The following LPGAT1 variants were observed in gnomAD, a reference collection of about 807,000 sequenced individuals.
LPGAT1 encodes the protein acyl-CoA:lysophosphatidylglycerol acyltransferase 1.
A neutral mutation model predicts 47.5 loss-of-function variants in LPGAT1; 11 were observed. The observed-to-expected ratio is 0.23, with a 90% confidence interval of 0.15 to 0.38. LPGAT1 has a LOEUF of 0.38. LPGAT1 is among the 10% of genes least tolerant of loss of function. The pLI is 1.00. For synonymous variants in LPGAT1, 138 were observed against 144.2 expected (o/e 0.96, Z 0.31); for missense variants, 293 against 439.0 (o/e 0.67, Z 2.97).
intron 2 of LPGAT1, among the ~76,000 whole-genome samples, chr1:211,828,496 C>T (rs4320838): frequency 0.33 from 50,847 of 152,010 alleles, 10,005 homozygotes; most frequent in East Asian, 0.71. Flanking sequence ...ACAAAGTTAA[C>T]TTAATTTTTT....
At position 211,787,643 on chromosome 1, in the gene LPGAT1, A is replaced by G; in HGVS notation, c.442T>C (p.Phe148Leu). Residue 148 changes from phenylalanine (F) to leucine (L), a missense_variant, in exon 4 of 8, where the codon TTT becomes CTT. Phe to Leu is a conservative substitution (Grantham distance 22). Transcript: ENST00000366997. ...GIVSLVHGDF[F>L]IRQGRSYRDQ... ...TGCTCATTACTTACCTGTCTTATAA[A>G]GAAGTCTCCATGAACTAGAGAAACA... is the stretch of plus-strand genomic sequence containing the variant. The G allele has an allele frequency of 6.3e-7, 1 of 1,584,372 alleles. No individual in the cohort carries two copies. The highest frequency in any genetic ancestry group is 1.3e-5 in the African/African-American group (1 of 74,196).
intron 2 of LPGAT1, among the ~76,000 whole-genome samples, chr1:211,795,134 C>G (rs180835926): frequency 6.6e-6 from 1 of 152,128 alleles, no homozygotes; most frequent in African/African-American, 2.4e-5. Flanking sequence ...TGTGAATATA[C>G]TTAACAAGAC....
chr1:211,816,689 T>A (rs1160365176), intron 2 of LPGAT1, among the ~76,000 whole-genome samples: 1 of 152,190 alleles, frequency 6.6e-6, no homozygotes, highest in Non-Finnish European at 1.5e-5. Flanking sequence ...CTAATAATAA[T>A]GAAATTATCA....
chr1:211,822,995 T>C (rs982365788), intron 2 of LPGAT1, among the ~76,000 whole-genome samples: 2 of 152,194 alleles, frequency 1.3e-5, no homozygotes, highest in Admixed American at 6.5e-5. Context: ...AAGAAATCTA[T>C]AGCTATATTA....
intron 6 of LPGAT1, among the ~76,000 whole-genome samples, chr1:211,778,362 A>AAC (rs1658500618): frequency 6.8e-6 from 1 of 147,444 alleles, no homozygotes; most frequent in African/African-American, 2.5e-5. Context: ...AAAAAAAAAA[A>AAC]AAAAAAAAAA....
At chr1:211,815,370 A>G (rs757264028) in intron 2 of LPGAT1, among the ~76,000 whole-genome samples, 11 of 152,046 alleles carry the variant, frequency 7.2e-5, no homozygotes, top group Non-Finnish European at 1.2e-4. Flanking sequence ...CTCCATGTCT[A>G]ATCTCTCAGC....
chr1:211,770,721 C>T (rs1288333324), intron 6 of LPGAT1, among the ~76,000 whole-genome samples: 1 of 152,184 alleles, frequency 6.6e-6, no homozygotes, highest in African/African-American at 2.4e-5. Context: ...TAGGCCTTCA[C>T]ATTCACTCAT....
At chr1:211,784,705 A>G (rs1204595741) in intron 4 of LPGAT1, among the ~76,000 whole-genome samples, 1 of 152,032 alleles carries the variant, frequency 6.6e-6, no homozygotes, top group African/African-American at 2.4e-5. Flanking sequence ...GTTGAGAGGG[A>G]AAGAGAGAAA....
intron 2 of LPGAT1, among the ~76,000 whole-genome samples, chr1:211,799,776 A>G (rs1211901249): frequency 6.6e-6 from 1 of 152,236 alleles, no homozygotes; most frequent in East Asian, 1.9e-4. Flanking sequence ...AAGAAAAAAA[A>G]TCAACATTGT....
Position 211,750,085 on chromosome 1 carries a change from C to T in LPGAT1, c.962-35G>A, listed in dbSNP as rs559727650. ...AAGATAGAAATATTAGTTTGTTTTA[C>T]TGTAATGGTAGGTCTCCTGGAATAA... On this transcript the variant is annotated intron_variant, in intron 7 of 7. Coordinates refer to ENST00000366997, the MANE Select transcript of LPGAT1 (RefSeq NM_014873.3). The T allele has an allele frequency of 2.6e-5, 42 of 1,589,108 alleles. No homozygotes were observed. In the South Asian group the frequency reaches 4.0e-4, roughly 15 times the overall value.
In LPGAT1 at chr1:211,793,017, T is replaced by C; in HGVS notation, c.357+55A>G. 5 of 1,254,772 alleles carry C rather than the reference T, an allele frequency of 4.0e-6. No homozygotes were observed. The South Asian group carries it at 6.8e-5, about 17-fold the overall frequency. 77.7% of individuals were successfully genotyped at this position (1,254,772 alleles called of 1,614,324 possible). ...GAGCCACCATGCCCGGCCAAATGGA[T>C]TCCTTTTTAACCTTCCTTTCTGGAT... On this transcript the variant is annotated intron_variant, in intron 3 of 7. Transcript: ENST00000366997.
intron 2 of LPGAT1, among the ~76,000 whole-genome samples, chr1:211,808,311 T>C (rs1007106372): frequency 2.7e-5 from 4 of 148,666 alleles, no homozygotes; most frequent in East Asian, 2.0e-4. Flanking sequence ...GATCACGCCA[T>C]TGCACTCCAG....
At chr1:211,799,440 C>T (rs1288085399) in intron 2 of LPGAT1, among the ~76,000 whole-genome samples, 1 of 152,088 alleles carries the variant, frequency 6.6e-6, no homozygotes, top group Non-Finnish European at 1.5e-5. Flanking sequence ...AAATGAGGCA[C>T]AAAAGGTTAA....
At chr1:211,799,657 G>A (rs946733175) in intron 2 of LPGAT1, among the ~76,000 whole-genome samples, 7 of 152,126 alleles carry the variant, frequency 4.6e-5, no homozygotes, top group African/African-American at 1.7e-4. Flanking sequence ...AACAAATAAG[G>A]ATGGTGGATG....
intron 2 of LPGAT1, among the ~76,000 whole-genome samples, chr1:211,805,738 C>T (rs542933841): frequency 1.3e-5 from 2 of 152,252 alleles, no homozygotes; most frequent in Non-Finnish European, 2.9e-5. Context: ...ATAATACAAA[C>T]TGTATGCAAT....
rs1656942799 is a variant in LPGAT1, at chr1:211,746,398, T to C, written c.*3501A>G. 1 of 152,278 alleles carries C rather than the reference T, an allele frequency of 6.6e-6. No homozygotes were observed. The highest frequency in any genetic ancestry group is 1.5e-5 in the Non-Finnish European group (1 of 68,046). 9.4% of individuals were successfully genotyped at this position (152,278 alleles called of 1,614,324 possible). A position where few individuals can be genotyped will look rare whatever the true frequency, so the allele number is the denominator to read the frequency against. On this transcript the variant is annotated 3_prime_UTR_variant, in exon 8 of 8. Transcript: ENST00000366997. ...TTCAGGCTTCTGTATTTCCTCTTCCTGATAGCTGTCTTTCCGCATCATTTC... is the reference window on the plus strand; with the variant it reads ...TTCAGGCTTCTGTATTTCCTCTTCCCGATAGCTGTCTTTCCGCATCATTTC...
At chr1:211,782,620 A>C (rs2102537316) in intron 5 of LPGAT1, among the ~76,000 whole-genome samples, 1 of 152,242 alleles carries the variant, frequency 6.6e-6, no homozygotes, top group South Asian at 2.1e-4. Context: ...CTACAACCCC[A>C]GCTACTCAGG....
intron 3 of LPGAT1, among the ~76,000 whole-genome samples, chr1:211,791,787 CA>C (rs1246430082): frequency 3.8e-5 from 5 of 130,764 alleles, no homozygotes; most frequent in Non-Finnish European, 6.9e-5. Flanking sequence ...AAAAAAAAAA[CA>C]AAAAAAAACA....
chr1:211,825,001 C>A (rs12059988), intron 2 of LPGAT1, among the ~76,000 whole-genome samples: 46,165 of 151,694 alleles, frequency 0.3, 8,138 homozygotes, highest in Non-Finnish European at 0.41. Context: ...AAGCCCCCCC[C>A]AAATAATGCC....
Sources: allele counts gnomAD v4.1 joint callset (sites outside exome capture counted in the v4.1 genomes callset), GRCh38; gene constraint gnomAD v4.1.1; transcripts MANE v1.5; gene names NCBI Gene and HGNC (gene_info 2026-07-23, HGNC 2026-07-21).